The following NALF1 variants were observed in gnomAD, a reference collection of about 807,000 sequenced individuals.
NALF1 encodes NALCN channel auxiliary factor 1, also known as family with sequence similarity 155 member A.
Under a neutral mutation model 48.4 loss-of-function variants are expected in NALF1, and 3 were observed. The ratio of observed to expected loss-of-function variants is 0.06; its 90% CI spans 0.03 to 0.16. The LOEUF (loss-of-function observed/expected upper bound fraction) is 0.16. Ranked by LOEUF, NALF1 falls within the 10% of genes least tolerant of loss-of-function variation. The pLI, the probability that NALF1 is intolerant of heterozygous loss-of-function variation, is 1.00. For missense variants in NALF1, 526 were observed against 571.5 expected (o/e 0.92, Z 0.81); for synonymous variants, 262 against 245.7 (o/e 1.07, Z -0.62).
chr13:107,744,777 T>G (rs916907616), intron 1 of NALF1, among the ~76,000 whole-genome samples: 6 of 152,200 alleles, frequency 3.9e-5, no homozygotes, highest in Non-Finnish European at 8.8e-5. Context: ...TTTATACAGG[T>G]TTTTTTGGCA....
In NALF1 at chr13:107,498,172, G is replaced by A. The variant is rs556061822; in HGVS notation, c.916-287417C>T. ...TAAACAAGAAAAAAGAATGCCTAAA[G>A]CTACATCTGGTGATGAATGTATCTC... is the stretch of plus-strand genomic sequence containing the variant. On this transcript the variant is annotated intron_variant, in intron 1 of 2. Transcript: ENST00000375915. Among the ~76,000 whole-genome samples, 32 of 152,270 alleles carry A rather than the reference G, an allele frequency of 2.1e-4. 1 individual carries two copies. In the South Asian group the frequency reaches 6.6e-3, roughly 32 times the overall value.
At chr13:107,524,866 G>A (rs557896105) in intron 1 of NALF1, among the ~76,000 whole-genome samples, 16 of 152,010 alleles carry the variant, frequency 1.1e-4, no homozygotes, top group Non-Finnish European at 1.9e-4. Context: ...ATGATTTCTA[G>A]AGCCATAGTT....
rs375348680 is a variant in NALF1, at chr13:107,497,900, T to C, written c.916-287145A>G. 4.3e-4 allele frequency among the ~76,000 whole-genome samples: 65 copies of C among 152,320 alleles called. 2 individuals carry two copies. In the South Asian group the frequency reaches 0.013, roughly 31 times the overall value. On this transcript the variant is annotated intron_variant, in intron 1 of 2. Transcript: ENST00000375915. ...ATCACAAATTAGCAAATCTGCCATA[T>C]GCATGCAGATAAAGTCAATAATTGT...
At chr13:107,393,096 G>C (rs1420674918) in intron 1 of NALF1, among the ~76,000 whole-genome samples, 1 of 152,118 alleles carries the variant, frequency 6.6e-6, no homozygotes, top group Non-Finnish European at 1.5e-5. Flanking sequence ...GCAAGAAATG[G>C]AGGTGGTGAG....
In NALF1 at chr13:107,261,073, G is replaced by A. The variant is rs549554602; in HGVS notation, c.916-50318C>T. Among the ~76,000 whole-genome samples, 53 of 152,318 alleles carry A rather than the reference G, an allele frequency of 3.5e-4. No individual in the cohort carries two copies. The East Asian group carries it at 5.6e-3, about 16-fold the overall frequency. On this transcript the variant is annotated intron_variant, in intron 1 of 2. Transcript: ENST00000375915. ...CATTGAATGGAAGAGTTTATTGTGCGAAGCCACTAAAATTTTGGACTGGTT... is the reference window on the plus strand; with the variant it reads ...CATTGAATGGAAGAGTTTATTGTGCAAAGCCACTAAAATTTTGGACTGGTT...
intron 1 of NALF1, among the ~76,000 whole-genome samples, chr13:107,262,951 T>G (rs1880962813): frequency 6.6e-6 from 1 of 152,166 alleles, no homozygotes; most frequent in Non-Finnish European, 1.5e-5. Context: ...AATCACAGAC[T>G]CGTTGCGTGT....
intron 1 of NALF1, among the ~76,000 whole-genome samples, chr13:107,526,141 T>A (rs577300629): frequency 1.3e-5 from 2 of 152,256 alleles, no homozygotes; most frequent in South Asian, 4.1e-4. Context: ...TGTCTTTTTT[T>A]ACCATCTCAA....
At chr13:107,848,133 T>C (rs1171826613) in intron 1 of NALF1, among the ~76,000 whole-genome samples, 3 of 152,230 alleles carry the variant, frequency 2.0e-5, no homozygotes, top group Non-Finnish European at 4.4e-5. Context: ...ATGCCTTTTG[T>C]TGCTGATTAC....
chr13:107,712,159 T>G (rs576159973), intron 1 of NALF1, among the ~76,000 whole-genome samples: 1 of 152,342 alleles, frequency 6.6e-6, no homozygotes, highest in African/African-American at 2.4e-5. Flanking sequence ...TTATAAATGT[T>G]GCCTCAATTT....
At chr13:107,620,837 C>T (rs980270147) in intron 1 of NALF1, among the ~76,000 whole-genome samples, 7 of 152,140 alleles carry the variant, frequency 4.6e-5, no homozygotes, top group Non-Finnish European at 4.4e-5. Flanking sequence ...GGGAGGTGTC[C>T]GCCCATTCTA....
intron 1 of NALF1, among the ~76,000 whole-genome samples, chr13:107,327,164 T>A (rs1882380443): frequency 6.6e-6 from 1 of 152,214 alleles, no homozygotes; most frequent in Non-Finnish European, 1.5e-5. Context: ...TGCCTGCAAC[T>A]TTGCTATCAG....
intron 1 of NALF1, among the ~76,000 whole-genome samples, chr13:107,351,199 T>C (rs1318308928): frequency 6.6e-6 from 1 of 152,180 alleles, no homozygotes; most frequent in Non-Finnish European, 1.5e-5. Flanking sequence ...AACGATACTG[T>C]ACTGTATACT....
intron 1 of NALF1, among the ~76,000 whole-genome samples, chr13:107,358,280 A>G (rs567683021): frequency 6.6e-6 from 1 of 152,096 alleles, no homozygotes; most frequent in South Asian, 2.1e-4. Flanking sequence ...TGCCTGCTGT[A>G]TTACCTTTAG....
intron 1 of NALF1, among the ~76,000 whole-genome samples, chr13:107,212,381 G>C (rs532897910): frequency 6.6e-6 from 1 of 152,254 alleles, no homozygotes; most frequent in Non-Finnish European, 1.5e-5. Context: ...GAGTCTTCTC[G>C]TAACAGTGTA....
At chr13:107,215,889 C>T (rs1879863703) in intron 1 of NALF1, among the ~76,000 whole-genome samples, 1 of 152,126 alleles carries the variant, frequency 6.6e-6, no homozygotes, top group Non-Finnish European at 1.5e-5. Context: ...ATATATATTA[C>T]CCCCATCTCC....
intron 1 of NALF1, among the ~76,000 whole-genome samples, chr13:107,330,804 C>T (rs9587360): frequency 0.25 from 38,124 of 152,102 alleles, 5,074 homozygotes; most frequent in Non-Finnish European, 0.28. Context: ...ATGAGGAACA[C>T]CATAGAATGC....
intron 1 of NALF1, among the ~76,000 whole-genome samples, chr13:107,486,433 C>A (rs1001750193): frequency 2.0e-5 from 3 of 152,258 alleles, no homozygotes; most frequent in African/African-American, 7.2e-5. Flanking sequence ...TCTGAAAAAT[C>A]TAGGAAGAAG....
chr13:107,212,906 T>C (rs1879791136), intron 1 of NALF1, among the ~76,000 whole-genome samples: 1 of 152,150 alleles, frequency 6.6e-6, no homozygotes, highest in South Asian at 2.1e-4. Context: ...GAGTGCCCTA[T>C]GTAATGCCAG....
At chr13:107,357,249 CCTT>C (rs1882979527) in intron 1 of NALF1, among the ~76,000 whole-genome samples, 2 of 152,080 alleles carry the variant, frequency 1.3e-5, no homozygotes, top group African/African-American at 4.8e-5. Context: ...CAAGCACAGA[CCTT>C]CTCATATGGC....
Sources: allele counts gnomAD v4.1 joint callset (sites outside exome capture counted in the v4.1 genomes callset), GRCh38; gene constraint gnomAD v4.1.1; transcripts MANE v1.5; gene names NCBI Gene and HGNC (gene_info 2026-07-23, HGNC 2026-07-21).